AMOT: variants seen among roughly 807,000 people sequenced by gnomAD.
AMOT encodes the protein angiomotin.
Under a neutral mutation model 67.0 loss-of-function variants are expected in AMOT, and 11 were observed. The observed-to-expected ratio is 0.16, with a 90% CI of 0.10 to 0.27. AMOT has a LOEUF of 0.27. AMOT is among the 10% of genes least tolerant of loss of function. AMOT has a pLI of 1.00. For synonymous variants in AMOT, 326 were observed against 321.4 expected (o/e 1.01, Z -0.15); for missense variants, 753 against 852.0 (o/e 0.88, Z 1.45).
chrX:112,802,039 T>A (rs1934034308), intron 8 of AMOT, among the ~76,000 whole-genome samples: 1 of 112,144 alleles, frequency 8.9e-6, no homozygotes, highest in African/African-American at 3.2e-5. Flanking sequence ...CATATCCATG[T>A]GCCTTCAAAA....
intron 10 of AMOT, among the ~76,000 whole-genome samples, chrX:112,783,611 C>G (rs1460690572): frequency 9.0e-6 from 1 of 111,134 alleles, no homozygotes; most frequent in Admixed American, 9.6e-5. Context: ...TGCCAGAGTT[C>G]TAACTGCATA....
At position 112,822,400 on chromosome X, in the gene AMOT, G is replaced by C. The variant is rs1253189477; in HGVS notation, c.727C>G (p.Pro243Ala). Reference protein sequence around the residue: ...MEHRGPPPEYPFKGMPPQSVV... With the variant: ...MEHRGPPPEYAFKGMPPQSVV... ...GATTGGGGTGGCATGCCCTTGAAGG[G>C]ATATTCTGGTGGGGGGCCTCGGTGT... The change falls in exon 4 of 14, where the codon CCC becomes GCC. Residue 243 changes from proline (P) to alanine (A), a missense_variant. Physicochemically the swap from Pro to Ala is conservative, Grantham distance 27 (BLOSUM62 -1). This residue lies in a region of AMOT where 297 missense variants were observed against 284.3 expected (regional missense o/e 1.04). Coordinates refer to ENST00000371959, the MANE Select transcript of AMOT (RefSeq NM_001113490.2). 1 of 1,167,742 alleles carries C rather than the reference G, an allele frequency of 8.6e-7. No individual in the cohort carries two copies.
At chrX:112,792,704 T>C (rs1019669162) in intron 8 of AMOT, among the ~76,000 whole-genome samples, 1 of 111,886 alleles carries the variant, frequency 8.9e-6, no homozygotes, top group Non-Finnish European at 1.9e-5. Flanking sequence ...TTCATGAGCC[T>C]GAATTGGAGA....
intron 8 of AMOT, among the ~76,000 whole-genome samples, chrX:112,800,823 C>T (rs1208900912): frequency 8.9e-6 from 1 of 112,057 alleles, no homozygotes; most frequent in Non-Finnish European, 1.9e-5. Context: ...AGAAAATGCA[C>T]TGGCTACTCC....
intron 7 of AMOT, among the ~76,000 whole-genome samples, chrX:112,807,396 GAAAA>G (rs775937754): frequency 6.4e-5 from 7 of 109,441 alleles, no homozygotes; most frequent in Non-Finnish European, 5.7e-5. Context: ...ACACACACAC[GAAAA>G]AACCTACAAG....
At chrX:112,817,297 A>G (rs138087087) in intron 4 of AMOT, among the ~76,000 whole-genome samples, 1,562 of 112,219 alleles carry the variant, frequency 0.014, 33 homozygotes, top group African/African-American at 0.047. Context: ...GCGGAATAGG[A>G]ATTACAGTCA....
intron 2 of AMOT, among the ~76,000 whole-genome samples, chrX:112,830,912 T>C (rs1343300763): frequency 1.8e-5 from 2 of 111,735 alleles, no homozygotes; most frequent in East Asian, 2.8e-4. Context: ...ATTCTGAGAA[T>C]TGAATTTGTC....
intron 10 of AMOT, among the ~76,000 whole-genome samples, chrX:112,787,280 T>C (rs1933395394): frequency 9.0e-6 from 1 of 111,340 alleles, no homozygotes; most frequent in South Asian, 3.8e-4. Flanking sequence ...GGCCAAAAAC[T>C]GGAAACGACC....
chrX:112,835,166 A>AC (rs60505614), intron 1 of AMOT, among the ~76,000 whole-genome samples: 24 of 110,368 alleles, frequency 2.2e-4, no homozygotes, highest in Admixed American at 9.7e-4. Context: ...CACCTCTGTG[A>AC]TTATTAATAT....
At chrX:112,833,537 A>C (rs1007402206) in intron 1 of AMOT, among the ~76,000 whole-genome samples, 9 of 110,530 alleles carry the variant, frequency 8.1e-5, no homozygotes, top group Non-Finnish European at 1.3e-4. Flanking sequence ...TTTTTAAAAA[A>C]ACAATCTGCC....
chrX:112,789,818 A>T (rs1417342073), intron 10 of AMOT, among the ~76,000 whole-genome samples: 1 of 109,556 alleles, frequency 9.1e-6, no homozygotes, highest in Non-Finnish European at 1.9e-5. Context: ...AACCCAAGTC[A>T]TCACCTGACT....
At chrX:112,800,444 A>T (rs1281034246) in intron 8 of AMOT, among the ~76,000 whole-genome samples, 1 of 111,861 alleles carries the variant, frequency 8.9e-6, no homozygotes, top group Non-Finnish European at 1.9e-5. Flanking sequence ...CAATACTCTA[A>T]ATGCACACAT....
chrX:112,832,670 C>G (rs1329780157), intron 1 of AMOT, among the ~76,000 whole-genome samples: 1 of 112,170 alleles, frequency 8.9e-6, no homozygotes, highest in Non-Finnish European at 1.9e-5. Flanking sequence ...TGAGCTGCAT[C>G]TAAAAGAAAG....
intron 10 of AMOT, among the ~76,000 whole-genome samples, chrX:112,789,570 C>T (rs1230015603): frequency 5.4e-5 from 6 of 111,081 alleles, no homozygotes; most frequent in African/African-American, 1.6e-4. Flanking sequence ...AACCTCCCCA[C>T]CTCTGATTTG....
rs1404097748 is a variant in AMOT at position 112,815,885 on chromosome X, A to C, written c.873-8T>G. The C allele has an allele frequency of 2.1e-5, 24 of 1,158,480 alleles. No homozygotes were observed. The highest frequency in any genetic ancestry group is 2.6e-5 in the Non-Finnish European group (23 of 868,758). On this transcript the variant is annotated splice_polypyrimidine_tract_variant and splice_region_variant and intron_variant, in intron 4 of 13. Coordinates refer to ENST00000371959, the MANE Select transcript of AMOT (RefSeq NM_001113490.2). Reference sequence around the variant, plus strand: ...GAGATGTCCTGCGCTGGCCTGTAAAACATGAAGGGCAGGTGCGGGTTAATT... The same window carrying C: ...GAGATGTCCTGCGCTGGCCTGTAAACCATGAAGGGCAGGTGCGGGTTAATT...
chrX:112,824,854 G>A (rs1934804042), intron 3 of AMOT, among the ~76,000 whole-genome samples: 1 of 111,111 alleles, frequency 9.0e-6, no homozygotes, highest in South Asian at 3.8e-4. Flanking sequence ...CTCACAAACT[G>A]GAAACAGGAA....
intron 8 of AMOT, 49 bp downstream of exon 8, chrX:112,804,898 T>TTA: frequency 1.2e-6 from 1 of 837,576 alleles, no homozygotes; most frequent in Non-Finnish European, 1.7e-6. Context: ...GTCCCCGATT[T>TTA]CCCAGCCCTC....
In AMOT at chrX:112,823,078, G is replaced by A; in HGVS notation, c.49C>T (p.Arg17Cys). 8.6e-7 allele frequency: 1 copy of A among 1,167,111 alleles called. No individual in the cohort carries two copies. The highest frequency in any genetic ancestry group is 1.9e-5 in the South Asian group (1 of 52,550). Residue 17 changes from arginine to cysteine, a missense_variant, in exon 4 of 14, where the codon CGT (arginine) becomes TGT (cysteine). This residue lies in a region of AMOT where 118 missense variants were observed against 125.9 expected (regional missense o/e 0.94). Coordinates refer to ENST00000371959, the MANE Select transcript of AMOT (RefSeq NM_001113490.2). Reference protein sequence around the residue: ...QPSGGTTVLQRLLQEQLRYGN... With the variant: ...QPSGGTTVLQCLLQEQLRYGN... ...TAGCGAAGCTGCTCTTGTAGCAAAC[G>A]CTGCAATACCGTGGTCCCTCCACTT...
At chrX:112,810,649 G>T (rs2034351066) in intron 6 of AMOT, among the ~76,000 whole-genome samples, 2 of 109,461 alleles carry the variant, frequency 1.8e-5, no homozygotes, top group Non-Finnish European at 3.8e-5. Flanking sequence ...GGTGGAGGTT[G>T]CAGTGAGCCG....
Sources: allele counts gnomAD v4.1 joint callset (sites outside exome capture counted in the v4.1 genomes callset), GRCh38; gene constraint gnomAD v4.1.1; regional missense constraint gnomAD v4.1.1; transcripts MANE v1.5; gene names NCBI Gene and HGNC (gene_info 2026-07-23, HGNC 2026-07-21).